Variants in BBS5 observed in about 807,000 individuals in gnomAD.
BBS5 encodes the protein Bardet-Biedl syndrome 5.
A neutral mutation model predicts 50.2 loss-of-function variants in BBS5; 39 were observed. The observed-to-expected ratio is 0.78, with a 90% CI of 0.60 to 1.01. The LOEUF is 1.01. BBS5 is among the 50% of genes least tolerant of loss of function. The pLI, the probability that BBS5 is intolerant of heterozygous loss-of-function variation, is 0.00. For missense variants in BBS5, 356 were observed against 401.5 expected (o/e 0.89, Z 0.97); for synonymous variants, 134 against 133.1 (o/e 1.01, Z -0.05).
intron 7 of BBS5, among the ~76,000 whole-genome samples, chr2:169,495,052 C>G (rs1179024919): frequency 6.6e-6 from 1 of 152,190 alleles, no homozygotes; most frequent in African/African-American, 2.4e-5. Flanking sequence ...AATACCTACT[C>G]TGTGCCAAGT....
At chr2:169,483,081 G>A (rs1008719482) in intron 2 of BBS5, among the ~76,000 whole-genome samples, 1 of 152,182 alleles carries the variant, frequency 6.6e-6, no homozygotes, top group African/African-American at 2.4e-5. Flanking sequence ...ACCTCTTATT[G>A]GAAAGGGGTA....
Position 169,504,870 on chromosome 2 carries a change from A to G in BBS5, c.*288A>G. On this transcript the variant is annotated 3_prime_UTR_variant, in exon 12 of 12. Transcript: ENST00000295240. ...CCTCAGGCCCGGGCGCTCCTACAGC[A>G]GTGCCTGCACGCCCGGCTGCAAATT... 2 of 1,613,132 alleles carry G rather than the reference A, an allele frequency of 1.2e-6. No homozygotes were observed. Among genetic ancestry groups the G allele is most frequent in the South Asian group, 2.2e-5 (2 of 91,016 alleles).
chr2:169,479,697 C>A, intron 1 of BBS5, 85 bp downstream of exon 1: 2 of 1,432,026 alleles, frequency 1.4e-6, no homozygotes, highest in Non-Finnish European at 2.0e-6. Flanking sequence ...GGAGACTGCA[C>A]CTCCGCAGCT....
rs140771516 is a variant in BBS5 at position 169,488,446 on chromosome 2, C to T, written c.386+332C>T. Among the ~76,000 whole-genome samples, 481 of 152,362 alleles carry T rather than the reference C, an allele frequency of 3.2e-3. 6 individuals are homozygous for T. The highest frequency in any genetic ancestry group is 0.011 in the African/African-American group (459 of 41,584). On this transcript the variant is annotated intron_variant, in intron 5 of 11. Transcript: ENST00000295240. ...CATAAGGAGGGCACAGTCTAGATCC[C>T]TTGCATGTGCAATTCACAGTAGGGT...
intron 8 of BBS5, among the ~76,000 whole-genome samples, chr2:169,498,800 C>CT (rs1465583879): frequency 1.5e-5 from 2 of 133,178 alleles, no homozygotes; most frequent in Admixed American, 8.0e-5. Flanking sequence ...GAGCGAGACT[C>CT]TGTCTCAAAA....
rs537862254 is a variant in BBS5, at chr2:169,506,158, G to A, written c.*1576G>A. 16 of 142,532 alleles carry A rather than the reference G, an allele frequency of 1.1e-4. No homozygotes were observed. The South Asian group carries it at 2.3e-3, about 21-fold the overall frequency. The allele number at this position is 142,532 out of a possible 1,614,324, so 8.8% of individuals were successfully genotyped here. On this transcript the variant is annotated 3_prime_UTR_variant, in exon 12 of 12. Coordinates refer to ENST00000295240, the MANE Select transcript of BBS5 (RefSeq NM_152384.3). ...GGGTCAGCCCCCCGCCCGGCCAGCC[G>A]CCCGGTCCGGGAGGGAGGTGGGGGG...
chr2:169,493,217 C>T (rs1306046432), intron 6 of BBS5: 2 of 598,220 alleles, frequency 3.3e-6, no homozygotes, highest in Non-Finnish European at 2.8e-6. Context: ...TGGAATGTCT[C>T]CTTAATTAAT....
chr2:169,493,768 A>C lies in BBS5; in HGVS notation c.550A>C (p.Asn184His). 1 of 1,612,888 alleles carries C rather than the reference A, an allele frequency of 6.2e-7. No homozygotes were observed. Among genetic ancestry groups the C allele is most frequent in the Non-Finnish European group, 8.5e-7 (1 of 1,178,962 alleles). The change falls in exon 7 of 12, where the codon AAT (asparagine) becomes CAT (histidine). Residue 184 changes from asparagine (N) to histidine (H), a missense_variant. Physicochemically the swap from Asn to His is moderately conservative, Grantham distance 68 (BLOSUM62 1). Transcript: ENST00000295240. The part of the protein sequence containing the change: ...QGNLGTFFIT[N>H]VRIVWHANMN... ...CAATTTAGGAACCTTTTTTATTACC[A>C]ATGTGAGAATTGTGTGGCATGCAAA...
intron 5 of BBS5, 72 bp downstream of exon 5, chr2:169,488,186 A>G (rs1237339014): frequency 2.0e-6 from 3 of 1,499,466 alleles, no homozygotes; most frequent in South Asian, 1.2e-5. Context: ...ACAGTCCCCA[A>G]CCTTTTTGGC....
rs201734106 is a variant in BBS5, at chr2:169,489,898, CAG to C, written c.386+1787_386+1788del. Among the ~76,000 whole-genome samples the C allele has an allele frequency of 4.5e-3, 332 of 73,870 alleles. 20 individuals are homozygous for C. The highest frequency in any genetic ancestry group is 0.021 in the African/African-American group (313 of 14,578). 48.5% of individuals were successfully genotyped at this position (73,870 alleles called of 152,430 possible). A position where few individuals can be genotyped will look rare whatever the true frequency, so the allele number is the denominator to read the frequency against. Reference sequence around the variant, plus strand: ...TTTTTTTTTTTTTTTTTTTTAGAGACAGAGTCTTGCTCTGTTGCCCAGGCTGG... The same window carrying C: ...TTTTTTTTTTTTTTTTTTTTAGAGACAGTCTTGCTCTGTTGCCCAGGCTGG... On this transcript the variant is annotated intron_variant, in intron 5 of 11. Coordinates refer to ENST00000295240, the MANE Select transcript of BBS5 (RefSeq NM_152384.3).
chr2:169,482,374 T>C (rs771443915), intron 2 of BBS5, 41 bp downstream of exon 2: 49 of 1,246,910 alleles, frequency 3.9e-5, no homozygotes, highest in Non-Finnish European at 5.6e-5. Context: ...CCTGGTTTAA[T>C]TTACAAATGT....
intron 5 of BBS5, among the ~76,000 whole-genome samples, chr2:169,492,388 G>A (rs2105297462): frequency 6.6e-6 from 1 of 151,860 alleles, no homozygotes; most frequent in African/African-American, 2.4e-5. Context: ...TACTCGGGAG[G>A]CTGAGGCAGG....
At position 169,499,379 on chromosome 2, in the gene BBS5, C is replaced by G. The variant is rs73971621; in HGVS notation, c.682-107C>G. Reference sequence around the variant, plus strand: ...AAGTTTAATTGAAAAAATGAACTTACGTATTATGCTCTAAAATAAGGACAA... The same window carrying G: ...AAGTTTAATTGAAAAAATGAACTTAGGTATTATGCTCTAAAATAAGGACAA... On this transcript the variant is annotated intron_variant, in intron 8 of 11. Transcript: ENST00000295240. The G allele has an allele frequency of 1.8e-3, 2,102 of 1,170,526 alleles. 39 individuals are homozygous for G. In the African/African-American group the frequency reaches 0.03, roughly 17 times the overall value. 72.5% of individuals were successfully genotyped at this position (1,170,526 alleles called of 1,614,324 possible). A position where few individuals can be genotyped will look rare whatever the true frequency, so the allele number is the denominator to read the frequency against.
intron 9 of BBS5, 54 bp downstream of exon 9, chr2:169,499,674 A>G (rs1030370309): frequency 1.3e-6 from 2 of 1,557,836 alleles, no homozygotes; most frequent in African/African-American, 2.7e-5. Flanking sequence ...CAGTCTATAA[A>G]ATTCAGATGT....
In BBS5 at chr2:169,504,919, G is replaced by A. The variant is rs539290131; in HGVS notation, c.*337G>A. 6.5e-5 allele frequency: 105 copies of A among 1,613,658 alleles called. No homozygotes were observed. The African/African-American group carries it at 1.1e-3, about 18-fold the overall frequency. On this transcript the variant is annotated 3_prime_UTR_variant, in exon 12 of 12. Transcript: ENST00000295240. ...TTCGCCCAGCCAATGGGGACGTTGCGGCCCAGTGGGTGGAGGTCCAAAGAG... is the reference window on the plus strand; with the variant it reads ...TTCGCCCAGCCAATGGGGACGTTGCAGCCCAGTGGGTGGAGGTCCAAAGAG...
rs944760881 is a variant in BBS5, at chr2:169,504,400, T to A, written c.924+74T>A. 2.5e-6 allele frequency: 4 copies of A among 1,588,282 alleles called. No homozygotes were observed. In the East Asian group the frequency reaches 9.0e-5, roughly 36 times the overall value. Reference sequence around the variant, plus strand: ...CCAACATTTAGCATTCACAAACTTATGTGAAACCTATTTTTTTGTTTTTTT... The same window carrying A: ...CCAACATTTAGCATTCACAAACTTAAGTGAAACCTATTTTTTTGTTTTTTT... On this transcript the variant is annotated intron_variant, in intron 11 of 11. Coordinates refer to ENST00000295240, the MANE Select transcript of BBS5 (RefSeq NM_152384.3).
intron 1 of BBS5, among the ~76,000 whole-genome samples, chr2:169,480,437 G>C (rs2105290622): frequency 6.6e-6 from 1 of 151,896 alleles, no homozygotes; most frequent in East Asian, 1.9e-4. Flanking sequence ...CCCCTCCTTA[G>C]GTGGAATCGT....
In BBS5 at chr2:169,504,719, G is replaced by T; in HGVS notation, c.*137G>T. The T allele has an allele frequency of 8.4e-7, 1 of 1,192,594 alleles. No individual in the cohort carries two copies. The highest frequency in any genetic ancestry group is 1.2e-6 in the Non-Finnish European group (1 of 834,838). The allele number at this position is 1,192,594 out of a possible 1,614,324, so 73.9% of individuals were successfully genotyped here. ...ACTTGTAAGAGTTTTTTTAATGATT[G>T]AGGAAAAAGTCATTTAGAAAACTTC... On this transcript the variant is annotated 3_prime_UTR_variant, in exon 12 of 12. Transcript: ENST00000295240.
At chr2:169,488,233 G>T in intron 5 of BBS5, 119 bp downstream of exon 5, 1 of 940,048 alleles carries the variant, frequency 1.1e-6, no homozygotes, top group Non-Finnish European at 1.7e-6. Context: ...GTTTTTCCAC[G>T]AATTGGGTGA....
Sources: allele counts gnomAD v4.1 joint callset (sites outside exome capture counted in the v4.1 genomes callset), GRCh38; gene constraint gnomAD v4.1.1; transcripts MANE v1.5; gene names NCBI Gene and HGNC (gene_info 2026-07-23, HGNC 2026-07-21).